Variants in CNOT1 observed in about 807,000 individuals in gnomAD.
CNOT1 encodes CCR4-associated factor 1.
In CNOT1, 15 loss-of-function variants were observed where a neutral mutation model predicts 273.8. The observed-to-expected ratio is 0.05, with a 90% CI of 0.04 to 0.08. CNOT1 has a LOEUF of 0.08. CNOT1 is among the 10% of genes least tolerant of loss of function. The pLI is 1.00. For missense variants in CNOT1, 1,644 were observed against 2,912.2 expected (o/e 0.56, Z 10.02); for synonymous variants, 1,022 against 1,005.5 (o/e 1.02, Z -0.31).
chr16:58,599,483 G>C lies in CNOT1; in HGVS notation c.-146C>G, dbSNP rs2042387668. 1.1e-6 allele frequency: 1 copy of C among 937,096 alleles called. No individual in the cohort carries two copies. 58.0% of individuals were successfully genotyped at this position (937,096 alleles called of 1,614,324 possible). ...AATATCTTCAGTTCTTCTTTACCAG[G>C]GGTCTTACTCTGTTCTGAAACATGG... On this transcript the variant is annotated 5_prime_UTR_variant, in exon 2 of 49. Coordinates refer to ENST00000317147, the MANE Select transcript of CNOT1 (RefSeq NM_016284.5).
rs146122012 is a variant in CNOT1, at chr16:58,605,837, T to G, written c.-174-6326A>C. 7.9e-5 allele frequency among the ~76,000 whole-genome samples: 12 copies of G among 152,092 alleles called. No individual in the cohort carries two copies. The East Asian group carries it at 2.1e-3, about 27-fold the overall frequency. On this transcript the variant is annotated intron_variant, in intron 1 of 48. Coordinates refer to ENST00000317147, the MANE Select transcript of CNOT1 (RefSeq NM_016284.5). ...CCACACGGCTAATTTTTGTATTTTT[T>G]GTAGAGATGGGGTTTTGCCATGTTT...
rs1191109196 is a variant in CNOT1, at chr16:58,520,000, AAGT to A, written c.*955_*957del. 2 of 152,174 alleles carry A rather than the reference AAGT, an allele frequency of 1.3e-5. No homozygotes were observed. Among genetic ancestry groups the A allele is most frequent in the East Asian group, 3.8e-4 (2 of 5,198 alleles). 9.4% of individuals were successfully genotyped at this position (152,174 alleles called of 1,614,324 possible). Reference sequence around the variant, plus strand: ...GCTACAGTATGCATACACATACAAGAAGTAGGGGAGCTGAAGCCCAGGAAAAGG... The same window carrying A: ...GCTACAGTATGCATACACATACAAGAAGGGGAGCTGAAGCCCAGGAAAAGG... On this transcript the variant is annotated 3_prime_UTR_variant, in exon 49 of 49. Transcript: ENST00000317147.
At position 58,559,926 on chromosome 16, in the gene CNOT1, G is replaced by A. The variant is rs371529322; in HGVS notation, c.2130+286C>T. Reference sequence around the variant, plus strand: ...ACAAGACACATCAGGTTCAAAGGCAGTGCTTATGTCTCAAGAGTCTACGTA... The same window carrying A: ...ACAAGACACATCAGGTTCAAAGGCAATGCTTATGTCTCAAGAGTCTACGTA... On this transcript the variant is annotated intron_variant, in intron 17 of 48. Coordinates refer to ENST00000317147, the MANE Select transcript of CNOT1 (RefSeq NM_016284.5). 5 of 787,732 alleles carry A rather than the reference G, an allele frequency of 6.3e-6. No homozygotes were observed. In the African/African-American group the frequency reaches 6.9e-5, roughly 11 times the overall value. The allele number at this position is 787,732 out of a possible 1,614,324, so 48.8% of individuals were successfully genotyped here.
chr16:58,592,830 G>C (rs2042109317), intron 2 of CNOT1, among the ~76,000 whole-genome samples: 1 of 152,176 alleles, frequency 6.6e-6, no homozygotes, highest in Non-Finnish European at 1.5e-5. Context: ...GAATGGTCAA[G>C]AGTATAGAGC....
In CNOT1 at chr16:58,611,656, A is replaced by C. The variant is rs1419183870; in HGVS notation, c.-174-12145T>G. On this transcript the variant is annotated intron_variant, in intron 1 of 48. Coordinates refer to ENST00000317147, the MANE Select transcript of CNOT1 (RefSeq NM_016284.5). ...GCCAACATGGTGAAACCTTGTCTCT[A>C]CTAAAAATACAAAAATTAGCTGGGT... Among the ~76,000 whole-genome samples, 4 of 151,502 alleles carry C rather than the reference A, an allele frequency of 2.6e-5. 1 individual carries two copies. Among genetic ancestry groups the C allele is most frequent in the Admixed American group, 2.6e-4 (4 of 15,192 alleles).
chr16:58,521,349 A>G (rs2039359589), intron 47 of CNOT1, 32 bp from the exon 48 acceptor site: 2 of 1,569,810 alleles, frequency 1.3e-6, no homozygotes, highest in African/African-American at 2.8e-5. Context: ...TAGTTAATGT[A>G]TAGAAGCATA....
chr16:58,545,295 G>T (rs1486219618), intron 30 of CNOT1, 66 bp downstream of exon 30: 4 of 1,588,384 alleles, frequency 2.5e-6, no homozygotes, highest in Non-Finnish European at 3.4e-6. Flanking sequence ...CTGAAGAAAA[G>T]GTGGCCAAAC....
chr16:58,600,665 T>C (rs941319195), intron 1 of CNOT1, among the ~76,000 whole-genome samples: 1 of 152,160 alleles, frequency 6.6e-6, no homozygotes, highest in South Asian at 2.1e-4. Flanking sequence ...AGAAGCCAAA[T>C]TGCTTCCTGC....
chr16:58,546,608 C>T (rs2040263549), intron 28 of CNOT1, 64 bp downstream of exon 28: 1 of 1,612,122 alleles, frequency 6.2e-7, no homozygotes. Context: ...ACCCTGCCTT[C>T]ACTGTAAGTT....
chr16:58,606,450 T>G (rs2042679475), intron 1 of CNOT1, among the ~76,000 whole-genome samples: 1 of 152,030 alleles, frequency 6.6e-6, no homozygotes, highest in African/African-American at 2.4e-5. Context: ...ACAAGGCCAT[T>G]CTCAGTACTT....
rs747192982 is a variant in CNOT1, at chr16:58,599,382, A to T, written c.-45T>A. ...AGGCGGCCGAGCCCGGCGCAAAATC[A>T]CCATTATTCCCCTTTAGTCACCTCA... On this transcript the variant is annotated 5_prime_UTR_variant, in exon 2 of 49. Transcript: ENST00000317147. The T allele has an allele frequency of 6.2e-7, 1 of 1,613,106 alleles. No homozygotes were observed. The highest frequency in any genetic ancestry group is 8.5e-7 in the Non-Finnish European group (1 of 1,179,556).
At chr16:58,607,256 G>A (rs1479992770) in intron 1 of CNOT1, among the ~76,000 whole-genome samples, 1 of 152,186 alleles carries the variant, frequency 6.6e-6, no homozygotes, top group Non-Finnish European at 1.5e-5. Context: ...GTATATGTCA[G>A]AGCATGAAAG....
intron 2 of CNOT1, among the ~76,000 whole-genome samples, chr16:58,594,649 AAAAT>A (rs1203378127): frequency 6.6e-6 from 1 of 151,848 alleles, no homozygotes; most frequent in East Asian, 1.9e-4. Flanking sequence ...CTTAAAAACA[AAAAT>A]AAGCCAGATG....
chr16:58,550,811 T>G (rs964854870), intron 24 of CNOT1, among the ~76,000 whole-genome samples: 1 of 150,924 alleles, frequency 6.6e-6, no homozygotes, highest in Non-Finnish European at 1.5e-5. Context: ...TTCACAAAGT[T>G]TGCCTCAGTT....
intron 30 of CNOT1, among the ~76,000 whole-genome samples, chr16:58,544,920 A>C (rs933251015): frequency 2.6e-5 from 4 of 152,244 alleles, no homozygotes; most frequent in African/African-American, 9.6e-5. Flanking sequence ...CAAAGTGCTA[A>C]GTCCTACTTC....
intron 17 of CNOT1, chr16:58,559,859 T>A (rs779969622): frequency 9.2e-6 from 5 of 543,260 alleles, no homozygotes; most frequent in Non-Finnish European, 1.4e-5. Context: ...TTATAACAAG[T>A]CGTTATGCTC....
intron 14 of CNOT1, among the ~76,000 whole-genome samples, chr16:58,575,722 C>A (rs1366328873): frequency 6.6e-6 from 1 of 152,056 alleles, no homozygotes; most frequent in Non-Finnish European, 1.5e-5. Flanking sequence ...TCACTTGAAC[C>A]CGGGAGGCAG....
intron 13 of CNOT1, among the ~76,000 whole-genome samples, chr16:58,578,213 G>C (rs1021707746): frequency 6.6e-6 from 1 of 152,096 alleles, no homozygotes; most frequent in Non-Finnish European, 1.5e-5. Flanking sequence ...CAGAACTTTG[G>C]GAGGCCGAGG....
chr16:58,590,555 A>AC (rs1301613863), intron 2 of CNOT1, among the ~76,000 whole-genome samples: 2 of 151,992 alleles, frequency 1.3e-5, no homozygotes, highest in African/African-American at 4.8e-5. Flanking sequence ...AGATTGCACC[A>AC]CTGCACTCCA....
Sources: allele counts gnomAD v4.1 joint callset (sites outside exome capture counted in the v4.1 genomes callset), GRCh38; gene constraint gnomAD v4.1.1; transcripts MANE v1.5; gene names NCBI Gene and HGNC (gene_info 2026-07-23, HGNC 2026-07-21).